The following HLA-DPB1 variants were observed in gnomAD, a reference collection of about 807,000 sequenced individuals.
The protein encoded by HLA-DPB1 is HLA class II histocompatibility antigen, DP beta 1 chain.
In HLA-DPB1, 30 loss-of-function variants were observed where a neutral mutation model predicts 29.4. The ratio of observed to expected loss-of-function variants is 1.02; its 90% confidence interval spans 0.76 to 1.38. The LOEUF (loss-of-function observed/expected upper bound fraction) is 1.38, where lower values mean the gene tolerates loss of function less well. HLA-DPB1 is among the 40% of genes most tolerant of loss of function. The pLI, the probability that HLA-DPB1 is intolerant of heterozygous loss-of-function variation, is 0.00. For synonymous variants in HLA-DPB1, 114 were observed against 134.0 expected (o/e 0.85, Z 1.03); for missense variants, 261 against 327.5 (o/e 0.80, Z 1.57).
chr6:33,079,660 G>T, intron 1 of HLA-DPB1: 1 of 472,620 alleles, frequency 2.1e-6, no homozygotes, highest in South Asian at 1.6e-5. Context: ...AAAAAAACAT[G>T]CTGCCCAGTG....
intron 2 of HLA-DPB1, among the ~76,000 whole-genome samples, chr6:33,082,301 A>G (rs9277362): frequency 0.37 from 56,417 of 151,428 alleles, 11,883 homozygotes; most frequent in East Asian, 0.63. Context: ...CAGATTGCAG[A>G]CAGCCCTGAT....
chr6:33,085,911 G>A, intron 4 of HLA-DPB1, 22 bp downstream of exon 4: 1 of 1,491,752 alleles, frequency 6.7e-7, no homozygotes, highest in Non-Finnish European at 9.3e-7. Context: ...TGCAGGGTGA[G>A]CGGGACTTAC....
chr6:33,078,494 T>C (rs1762670846), intron 1 of HLA-DPB1, among the ~76,000 whole-genome samples: 1 of 152,084 alleles, frequency 6.6e-6, no homozygotes, highest in African/African-American at 2.4e-5. Context: ...AGACAACCCA[T>C]AGGGAGCTAG....
chr6:33,083,917 G>C (rs1439762085), intron 2 of HLA-DPB1: 3 of 142,566 alleles, frequency 2.1e-5, no homozygotes, highest in African/African-American at 5.5e-5. Flanking sequence ...CTGGTCATCT[G>C]TGAGACCTTC....
At position 33,085,182 on chromosome 6, in the gene HLA-DPB1, C is replaced by T. The variant is rs772872005; in HGVS notation, c.597C>T (p.Thr199=). ...CCCCCCAGCAGGGAGATGTCTACAC[C>T]TGCCAAGTGGAGCACACCAGCCTGG... is the stretch of plus-strand genomic sequence containing the variant. ...EMTPQQGDVY[T]CQVEHTSLDS... Residue 199 remains threonine (T), a synonymous_variant, in exon 3 of 6, where the codon ACC becomes ACT. Transcript: ENST00000418931. 1.4e-5 allele frequency: 23 copies of T among 1,612,712 alleles called. No homozygotes were observed. The highest frequency in any genetic ancestry group is 1.8e-5 in the Non-Finnish European group (21 of 1,179,194).
chr6:33,081,069 G>A (rs1762841914), intron 2 of HLA-DPB1, 134 bp downstream of exon 2: 14 of 1,064,592 alleles, frequency 1.3e-5, no homozygotes, highest in Non-Finnish European at 1.7e-5. Context: ...GATTCATGGG[G>A]GGAGCCCATC....
intron 1 of HLA-DPB1, chr6:33,079,519 C>T (rs1467000325): frequency 5.5e-6 from 2 of 363,000 alleles, no homozygotes. Flanking sequence ...TCATGAGGCA[C>T]CAATCAGACT....
chr6:33,089,624 G>A lies in HLA-DPB1; in HGVS notation c.*3090G>A, dbSNP rs1182094668. 6.6e-6 allele frequency among the ~76,000 whole-genome samples: 1 copy of A among 152,172 alleles called. No homozygotes were observed. Among genetic ancestry groups the A allele is most frequent in the African/African-American group, 2.4e-5 (1 of 41,440 alleles). On this transcript the variant is annotated 3_prime_UTR_variant, in exon 6 of 6. Transcript: ENST00000418931. ...TATGGCTGCAACTAACTTCAAATAA[G>A]TGGGAATACTTGAAGGTGGAAAACA...
At chr6:33,085,687 A>G in intron 3 of HLA-DPB1, 92 bp from the exon 4 acceptor site, 1 of 889,360 alleles carries the variant, frequency 1.1e-6, no homozygotes, top group African/African-American at 1.7e-5. Context: ...CCTCATCCCG[A>G]TATGCTGCAT....
chr6:33,086,170 T>G, intron 4 of HLA-DPB1, 49 bp from the exon 5 acceptor site: 1 of 1,449,586 alleles, frequency 6.9e-7, no homozygotes, highest in Non-Finnish European at 9.7e-7. Flanking sequence ...TCTAATTATC[T>G]GAGGTGGTTT....
At chr6:33,086,460 C>G in intron 5 of HLA-DPB1, 79 bp from the exon 6 acceptor site, 1 of 699,122 alleles carries the variant, frequency 1.4e-6, no homozygotes, top group Non-Finnish European at 2.7e-6. Flanking sequence ...GAGACGCATC[C>G]TCTCACCATA....
intron 1 of HLA-DPB1, among the ~76,000 whole-genome samples, chr6:33,077,094 G>A (rs1490654165): frequency 2.7e-5 from 3 of 109,760 alleles, no homozygotes; most frequent in African/African-American, 7.5e-5. Flanking sequence ...AACAGGCCCC[G>A]GTGTATGATG....
Position 33,089,085 on chromosome 6 carries a change from G to C in HLA-DPB1, c.*2551G>C, listed in dbSNP as rs1362987420. Among the ~76,000 whole-genome samples the C allele has an allele frequency of 1.3e-5, 2 of 152,078 alleles. No individual in the cohort carries two copies. The highest frequency in any genetic ancestry group is 4.8e-5 in the African/African-American group (2 of 41,378). On this transcript the variant is annotated 3_prime_UTR_variant, in exon 6 of 6. Transcript: ENST00000418931. Reference sequence around the variant, plus strand: ...AAGTAGCAGTGAGGCCGAGCCAGGGGATGGTGAAAGTGGAAGGAGGTGGGA... The same window carrying C: ...AAGTAGCAGTGAGGCCGAGCCAGGGCATGGTGAAAGTGGAAGGAGGTGGGA...
chr6:33,076,198 A>T, intron 1 of HLA-DPB1, 57 bp downstream of exon 1: 1 of 1,204,564 alleles, frequency 8.3e-7, no homozygotes, highest in Non-Finnish European at 1.2e-6. Context: ...TTCCTAGGGG[A>T]CGTTATCTTT....
chr6:33,086,403 C>G, intron 5 of HLA-DPB1, 136 bp from the exon 6 acceptor site: 3 of 748,452 alleles, frequency 4.0e-6, no homozygotes, highest in Non-Finnish European at 7.4e-6. Flanking sequence ...CATTGCTTGG[C>G]TCCATTGCTG....
chr6:33,084,526 C>T (rs9277438), intron 2 of HLA-DPB1, among the ~76,000 whole-genome samples: 57,574 of 151,624 alleles, frequency 0.38, 12,336 homozygotes, highest in East Asian at 0.64. Flanking sequence ...GGCTCAGGCC[C>T]GTAATCCCAG....
At chr6:33,077,598 C>G (rs182110682) in intron 1 of HLA-DPB1, among the ~76,000 whole-genome samples, 1 of 152,324 alleles carries the variant, frequency 6.6e-6, no homozygotes, top group East Asian at 1.9e-4. Context: ...CACTTTTACT[C>G]TGTTGGTGGG....
Position 33,080,468 on chromosome 6 carries a change from C to G in HLA-DPB1, c.101-204C>G, listed in dbSNP as rs1278659993. On this transcript the variant is annotated intron_variant, in intron 1 of 5. Transcript: ENST00000418931. The surrounding 1 kb of genome is among the most constrained non-coding windows in gnomAD (Gnocchi z 4.3). ...CTGAGCTCATTCTTTTCAGTAAATT[C>G]TCTCTCTGCGTGGTGAGAAAACAGG... 1.3e-6 allele frequency: 1 copy of G among 758,760 alleles called. No individual in the cohort carries two copies. Among genetic ancestry groups the G allele is most frequent in the Non-Finnish European group, 2.3e-6 (1 of 426,618 alleles). The allele number at this position is 758,760 out of a possible 1,614,324, so 47.0% of individuals were successfully genotyped here.
intron 5 of HLA-DPB1, 84 bp from the exon 6 acceptor site, chr6:33,086,455 G>A (rs1763109925): frequency 5.7e-6 from 4 of 702,064 alleles, no homozygotes; most frequent in East Asian, 2.8e-5. Flanking sequence ...AGCCTGAGAC[G>A]CATCCTCTCA....
Sources: gnomAD v4.1 joint callset for allele counts (sites outside exome capture counted in the v4.1 genomes callset) on GRCh38, gnomAD v4.1.1 for gene constraint, Gnocchi (gnomAD v3.1) non-coding constraint, MANE v1.5 for transcripts, NCBI Gene and HGNC (gene_info 2026-07-23, HGNC 2026-07-21) for gene names.